Variants in AGBL1 observed in about 807,000 individuals in gnomAD.
AGBL1 encodes the protein AGBL carboxypeptidase 1, also known as cytosolic carboxypeptidase 4.
In AGBL1, 130 loss-of-function variants were observed where a neutral mutation model predicts 118.9. That is an observed-to-expected ratio of 1.09 (90% CI 0.95 to 1.26). The LOEUF (loss-of-function observed/expected upper bound fraction) is 1.26, where lower values mean the gene tolerates loss of function less well. Among genes scored for constraint, AGBL1 ranks in the 50% most tolerant of loss-of-function variants. The pLI is 0.00. For missense variants in AGBL1, 1,584 were observed against 1,298.1 expected, an observed-to-expected ratio of 1.22 and a Z score of -3.38; for synonymous variants, 555 against 478.9, an observed-to-expected ratio of 1.16 and a Z score of -2.08.
At chr15:86,820,955 A>T (rs2078934498) in intron 22 of AGBL1, among the ~76,000 whole-genome samples, 1 of 152,206 alleles carries the variant, frequency 6.6e-6, no homozygotes, top group Non-Finnish European at 1.5e-5. Context: ...GATAGACTGG[A>T]TAAAGAAAAT....
intron 18 of AGBL1, among the ~76,000 whole-genome samples, chr15:86,515,852 C>G (rs746120553): frequency 1.3e-5 from 2 of 152,156 alleles, no homozygotes; most frequent in Non-Finnish European, 2.9e-5. Flanking sequence ...AGGACGTGCC[C>G]GTGACACAGC....
intron 22 of AGBL1, among the ~76,000 whole-genome samples, chr15:86,828,874 A>G (rs1332102503): frequency 2.7e-5 from 4 of 149,616 alleles, no homozygotes; most frequent in South Asian, 4.2e-4. Flanking sequence ...AAAATTACAT[A>G]TACAGTCATA....
At chr15:86,874,416 G>A (rs2079775928) in intron 22 of AGBL1, among the ~76,000 whole-genome samples, 1 of 119,986 alleles carries the variant, frequency 8.3e-6, no homozygotes, top group Admixed American at 8.5e-5. Context: ...ACACCCTGGG[G>A]CCAGTAACCT....
At chr15:86,979,500 C>CGG (rs201471702) in intron 23 of AGBL1, among the ~76,000 whole-genome samples, 6 of 146,068 alleles carry the variant, frequency 4.1e-5, no homozygotes, top group Non-Finnish European at 6.0e-5. Flanking sequence ...TTTTTTTTGG[C>CGG]GGGGGGGAGA....
At chr15:86,546,499 C>T (rs1449863844) in intron 20 of AGBL1, among the ~76,000 whole-genome samples, 1 of 152,088 alleles carries the variant, frequency 6.6e-6, no homozygotes, top group Non-Finnish European at 1.5e-5. Context: ...CACCCTTCTG[C>T]CATCTGTAAA....
intron 5 of AGBL1, among the ~76,000 whole-genome samples, chr15:86,215,867 C>T (rs1440296748): frequency 6.6e-6 from 1 of 152,134 alleles, no homozygotes; most frequent in East Asian, 1.9e-4. Flanking sequence ...TTGGGGACTA[C>T]TGCAATAGTT....
chr15:86,554,461 T>G lies in AGBL1; in HGVS notation c.2918T>G (p.Val973Gly). 1.3e-6 allele frequency: 2 copies of G among 1,588,190 alleles called. No individual in the cohort carries two copies. Among genetic ancestry groups the G allele is most frequent in the Non-Finnish European group, 1.7e-6 (2 of 1,167,468 alleles). ...CGAGCTTCCACGGCCCGGGTGGTGGTGTGGAGAGAGATGGGGGTGTCCAGA... is the reference window on the plus strand; with the variant it reads ...CGAGCTTCCACGGCCCGGGTGGTGGGGTGGAGAGAGATGGGGGTGTCCAGA... ...KSRASTARVV[V>G]WREMGVSRSY... Residue 973 changes from valine to glycine, a missense_variant, in exon 21 of 23, where the codon GTG (valine) becomes GGG (glycine). Transcript: ENST00000614907.
rs1173529856 is a variant in AGBL1 at position 86,415,404 on chromosome 15, G to A, written c.2555+17858G>A. Among the ~76,000 whole-genome samples the A allele has an allele frequency of 2.6e-5, 4 of 152,206 alleles. No homozygotes were observed. In the East Asian group the frequency reaches 5.8e-4, roughly 22 times the overall value. ...GCTTCAGTTTCCTCATCTGTAAAAC[G>A]GGGATAATAGCAAGTAATGACCTTT... On this transcript the variant is annotated intron_variant, in intron 18 of 22. Coordinates refer to ENST00000614907, the MANE Select transcript of AGBL1 (RefSeq NM_001386094.1).
intron 22 of AGBL1, among the ~76,000 whole-genome samples, chr15:86,775,368 G>A (rs1241223004): frequency 6.6e-6 from 1 of 152,084 alleles, no homozygotes; most frequent in Admixed American, 6.6e-5. Context: ...GGGATCTCCT[G>A]GTGACCATAC....
At chr15:86,821,539 T>C (rs1306261804) in intron 22 of AGBL1, among the ~76,000 whole-genome samples, 2 of 152,070 alleles carry the variant, frequency 1.3e-5, no homozygotes, top group African/African-American at 4.8e-5. Flanking sequence ...AAAATATAAT[T>C]GTTGAAAATA....
At chr15:86,610,502 G>T (rs2437797) in intron 21 of AGBL1, among the ~76,000 whole-genome samples, 71,369 of 151,982 alleles carry the variant, frequency 0.47, 16,798 homozygotes, top group East Asian at 0.6. Flanking sequence ...AGCTAAAAAA[G>T]TCAGCCTGGG....
chr15:86,247,513 T>C (rs2078740150), intron 6 of AGBL1, among the ~76,000 whole-genome samples, 158 bp from the exon 7 acceptor site: 1 of 152,248 alleles, frequency 6.6e-6, no homozygotes, highest in Non-Finnish European at 1.5e-5. Flanking sequence ...TTAACTTTGA[T>C]CACTTGGTTT....
intron 5 of AGBL1, among the ~76,000 whole-genome samples, chr15:86,177,314 T>C (rs2077494952): frequency 1.3e-5 from 2 of 152,192 alleles, no homozygotes; most frequent in South Asian, 4.1e-4. Flanking sequence ...CTGATAGAAC[T>C]GCAAGGAAAA....
intron 5 of AGBL1, among the ~76,000 whole-genome samples, chr15:86,200,347 A>T (rs1184508676): frequency 6.6e-6 from 1 of 152,226 alleles, no homozygotes; most frequent in Non-Finnish European, 1.5e-5. Context: ...ATTATAAGAA[A>T]GAAGATCTTT....
intron 22 of AGBL1, among the ~76,000 whole-genome samples, chr15:86,681,382 G>A (rs1013236307): frequency 6.6e-6 from 1 of 152,048 alleles, no homozygotes; most frequent in African/African-American, 2.4e-5. Flanking sequence ...ATTTGGATCA[G>A]TTATCTTTTC....
intron 23 of AGBL1, among the ~76,000 whole-genome samples, chr15:86,986,077 C>G (rs576843492): frequency 4.9e-4 from 75 of 152,180 alleles, no homozygotes; most frequent in Admixed American, 1.6e-3. Flanking sequence ...GTGCCTGCCA[C>G]CATGCCCGGC....
chr15:86,713,528 A>G (rs1471955885), intron 22 of AGBL1, among the ~76,000 whole-genome samples: 4 of 152,210 alleles, frequency 2.6e-5, no homozygotes, highest in Non-Finnish European at 5.9e-5. Flanking sequence ...CCCATAGAGC[A>G]CTAGACGGGT....
chr15:86,423,848 G>A (rs1268643600), intron 18 of AGBL1, among the ~76,000 whole-genome samples: 1 of 152,124 alleles, frequency 6.6e-6, no homozygotes, highest in Non-Finnish European at 1.5e-5. Flanking sequence ...TCTCTTCAAG[G>A]AGAGCTACAA....
chr15:86,273,883 A>G (rs1251473279), intron 15 of AGBL1, among the ~76,000 whole-genome samples: 1 of 152,162 alleles, frequency 6.6e-6, no homozygotes, highest in Non-Finnish European at 1.5e-5. Flanking sequence ...TGGGATTTGC[A>G]TTTGCATTTT....
Sources: allele counts gnomAD v4.1 joint callset (sites outside exome capture counted in the v4.1 genomes callset), GRCh38; gene constraint gnomAD v4.1.1; transcripts MANE v1.5; gene names NCBI Gene and HGNC (gene_info 2026-07-23, HGNC 2026-07-21).